Variants in WNK2 observed in about 807,000 individuals in gnomAD.
WNK2 encodes serine/threonine-protein kinase WNK2.
Under a neutral mutation model 192.1 loss-of-function variants are expected in WNK2, and 67 were observed. The observed-to-expected ratio is 0.35, with a 90% CI of 0.29 to 0.43. The LOEUF (loss-of-function observed/expected upper bound fraction) is 0.43. WNK2 is among the 20% of genes least tolerant of loss of function. The pLI is 1.00. For missense variants in WNK2, 2,698 were observed against 3,089.7 expected (o/e 0.87, Z 3.01); for synonymous variants, 1,439 against 1,393.9 (o/e 1.03, Z -0.72).
intron 7 of WNK2, among the ~76,000 whole-genome samples, chr9:93,244,745 G>A (rs1841388662): frequency 2.0e-5 from 3 of 152,342 alleles, no homozygotes; most frequent in African/African-American, 7.2e-5. Context: ...GGCTGGCTGT[G>A]CATACCTGCG....
At chr9:93,258,578 C>G (rs1303572994) in intron 11 of WNK2, among the ~76,000 whole-genome samples, 2 of 152,148 alleles carry the variant, frequency 1.3e-5, no homozygotes, top group Non-Finnish European at 2.9e-5. Context: ...GCTGCTCACA[C>G]TATGTGAGCT....
At position 93,268,024 on chromosome 9, in the gene WNK2, G is replaced by A; in HGVS notation, c.3872G>A (p.Ser1291Asn). Residue 1291 changes from serine to asparagine, a missense_variant, in exon 18 of 30, where the codon AGC becomes AAC. Transcript: ENST00000427277. ...STCGLGTGEESRQSQANAPVY... is the reference protein window; with the variant it reads ...STCGLGTGEENRQSQANAPVY... ...CTGACCCTCCACCTCATTCAGGAGAGCCGACAATCCCAAGCCAACGCCCCC... is the reference window on the plus strand; with the variant it reads ...CTGACCCTCCACCTCATTCAGGAGAACCGACAATCCCAAGCCAACGCCCCC... 1 of 1,612,048 alleles carries A rather than the reference G, an allele frequency of 6.2e-7. No individual in the cohort carries two copies. The highest frequency in any genetic ancestry group is 8.5e-7 in the Non-Finnish European group (1 of 1,179,174).
intron 23 of WNK2, among the ~76,000 whole-genome samples, chr9:93,294,136 AGGCTTATGT>A (rs1439790003): frequency 6.6e-6 from 1 of 152,188 alleles, no homozygotes; most frequent in African/African-American, 2.4e-5. Flanking sequence ...TGGAAATCAC[AGGCTTATGT>A]GGGAAGAGCC....
chr9:93,228,877 C>T (rs1838252862), intron 2 of WNK2, among the ~76,000 whole-genome samples: 1 of 152,004 alleles, frequency 6.6e-6, no homozygotes, highest in African/African-American at 2.4e-5. Flanking sequence ...TGAGCTCAGA[C>T]AGGGTGGTGG....
At position 93,238,268 on chromosome 9, in the gene WNK2, T is replaced by A; in HGVS notation, c.1269T>A (p.Asp423Glu). The change falls in exon 6 of 30, where the codon GAT (aspartate) becomes GAA (glutamate). Residue 423 changes from aspartate (D) to glutamate (E), a missense_variant. By Grantham distance (45) the Asp-to-Glu change is conservative (BLOSUM62 2). Transcript: ENST00000427277. The part of the protein sequence containing the change: ...IKPASFEKVH[D>E]PEIKEIIGEC... The stretch of plus-strand genomic sequence containing the variant: ...CGGCCAGCTTTGAGAAAGTGCACGA[T>A]CCTGAAATCAAGGAGATTATTGGGG... 6.2e-7 allele frequency: 1 copy of A among 1,613,970 alleles called. No homozygotes were observed. Among genetic ancestry groups the A allele is most frequent in the Non-Finnish European group, 8.5e-7 (1 of 1,179,886 alleles).
At chr9:93,230,865 G>GAT (rs1410385440) in intron 3 of WNK2, 23 bp from the exon 4 acceptor site, 3 of 1,604,818 alleles carry the variant, frequency 1.9e-6, no homozygotes, top group Admixed American at 3.4e-5. Context: ...TGCTTGGTGA[G>GAT]CTGTGCCCGT....
intron 24 of WNK2, 101 bp downstream of exon 24, chr9:93,298,168 A>C: frequency 7.7e-7 from 1 of 1,296,666 alleles, no homozygotes; most frequent in Non-Finnish European, 1.1e-6. Flanking sequence ...TCGGACCTGG[A>C]AGACCACTCG....
chr9:93,238,550 C>G (rs1004877062), intron 6 of WNK2, among the ~76,000 whole-genome samples: 10 of 152,228 alleles, frequency 6.6e-5, no homozygotes, highest in Non-Finnish European at 8.8e-5. Context: ...TCTGGAAACC[C>G]TCTCCTTGGC....
intron 19 of WNK2, among the ~76,000 whole-genome samples, chr9:93,269,728 G>A (rs1310505274): frequency 1.3e-5 from 2 of 152,162 alleles, no homozygotes; most frequent in Non-Finnish European, 2.9e-5. Flanking sequence ...GGGACACTGT[G>A]GTGTAAGTTT....
At chr9:93,214,709 C>T (rs1030241739) in intron 2 of WNK2, among the ~76,000 whole-genome samples, 4 of 114,830 alleles carry the variant, frequency 3.5e-5, no homozygotes, top group African/African-American at 9.9e-5. Flanking sequence ...CCCCCCCCCC[C>T]CCGCCCTCTC....
At chr9:93,285,231 A>G (rs1186168261) in intron 19 of WNK2, among the ~76,000 whole-genome samples, 2 of 152,236 alleles carry the variant, frequency 1.3e-5, no homozygotes, top group Non-Finnish European at 2.9e-5. Context: ...TGGTAACACT[A>G]TAATTTTATC....
intron 26 of WNK2, among the ~76,000 whole-genome samples, chr9:93,302,813 C>G (rs1588575646): frequency 6.6e-6 from 1 of 152,328 alleles, no homozygotes; most frequent in African/African-American, 2.4e-5. Flanking sequence ...GCTTAGAACC[C>G]CTGTGAGCTG....
At position 93,262,118 on chromosome 9, in the gene WNK2, C is replaced by T. The variant is rs780925107; in HGVS notation, c.3360+11C>T. 2.6e-5 allele frequency: 41 copies of T among 1,567,802 alleles called. No homozygotes were observed. The highest frequency in any genetic ancestry group is 3.3e-5 in the Non-Finnish European group (38 of 1,151,260). ...GAACCAGTCCAAGAGGTGTGTGCCC[C>T]TCCCCCCAGCCTGTCCCATGACTGG... On this transcript the variant is annotated intron_variant, in intron 13 of 29. Transcript: ENST00000427277.
intron 11 of WNK2, among the ~76,000 whole-genome samples, chr9:93,258,381 T>A (rs771674701): frequency 2.0e-5 from 3 of 152,234 alleles, no homozygotes; most frequent in Admixed American, 6.5e-5. Flanking sequence ...GCTCAAAGAT[T>A]TGCTTTCTCT....
intron 2 of WNK2, among the ~76,000 whole-genome samples, chr9:93,187,642 G>A (rs1398862217): frequency 6.6e-6 from 1 of 152,164 alleles, no homozygotes; most frequent in African/African-American, 2.4e-5. Context: ...TGTGAGGACT[G>A]AGGGGAACAA....
intron 2 of WNK2, among the ~76,000 whole-genome samples, chr9:93,203,742 G>A (rs941793950): frequency 6.6e-6 from 1 of 152,214 alleles, no homozygotes; most frequent in Non-Finnish European, 1.5e-5. Flanking sequence ...GTGTGGAAGA[G>A]GGAGGAAGGG....
intron 23 of WNK2, among the ~76,000 whole-genome samples, chr9:93,296,480 CTT>C (rs1350647599): frequency 4.4e-5 from 2 of 45,962 alleles, no homozygotes; most frequent in African/African-American, 1.0e-4. Context: ...TTCATCCTTC[CTT>C]CTCCCTCCTC....
chr9:93,319,414 C>T, intron 29 of WNK2: 1 of 985,202 alleles, frequency 1.0e-6, no homozygotes, highest in Non-Finnish European at 1.2e-6. Flanking sequence ...GCTGCCTGGC[C>T]CCCAACACTG....
chr9:93,308,011 C>T (rs1852925089), intron 27 of WNK2: 1 of 393,500 alleles, frequency 2.5e-6, no homozygotes, highest in Admixed American at 4.2e-5. Context: ...AGCTCTCTCA[C>T]ACGTGAGTCT....
Sources: gnomAD v4.1 joint callset for allele counts (sites outside exome capture counted in the v4.1 genomes callset) on GRCh38, gnomAD v4.1.1 for gene constraint, MANE v1.5 for transcripts, NCBI Gene and HGNC (gene_info 2026-07-23, HGNC 2026-07-21) for gene names.